Variants in MAP2 observed in about 807,000 individuals in gnomAD.
MAP2 encodes microtubule-associated protein 2.
In MAP2, 14 loss-of-function variants were observed where a neutral mutation model predicts 137.6. That is an observed-to-expected ratio of 0.10 (90% CI 0.07 to 0.16). The LOEUF is 0.16. Ranked by LOEUF, MAP2 falls within the 10% of genes least tolerant of loss-of-function variation. The pLI is 1.00. For missense variants in MAP2, 2,088 were observed against 2,191.5 expected, an observed-to-expected ratio of 0.95 and a Z score of 0.94; for synonymous variants, 786 against 782.3, an observed-to-expected ratio of 1.00 and a Z score of -0.08.
At chr2:209,582,730 A>G (rs760766053) in intron 3 of MAP2, among the ~76,000 whole-genome samples, 32 of 152,214 alleles carry the variant, frequency 2.1e-4, no homozygotes, top group Non-Finnish European at 4.0e-4. Context: ...TAAGGAATCT[A>G]TCAAGAAACT....
At chr2:209,462,445 ATACT>A (rs1307471756) in intron 1 of MAP2, among the ~76,000 whole-genome samples, 1 of 152,196 alleles carries the variant, frequency 6.6e-6, no homozygotes, top group African/African-American at 2.4e-5. Flanking sequence ...GGTTTGAAAA[ATACT>A]TAGTTATTCC....
intron 10 of MAP2, among the ~76,000 whole-genome samples, chr2:209,697,522 T>A (rs982331339): frequency 6.6e-6 from 1 of 152,082 alleles, no homozygotes; most frequent in Non-Finnish European, 1.5e-5. Flanking sequence ...ATTTAGATAC[T>A]GAAAATGAAA....
chr2:209,722,694 A>T (rs2071723562), intron 13 of MAP2, among the ~76,000 whole-genome samples: 1 of 152,196 alleles, frequency 6.6e-6, no homozygotes, highest in Admixed American at 6.5e-5. Context: ...GAAGTCATGA[A>T]AGTTGTAACA....
intron 5 of MAP2, among the ~76,000 whole-genome samples, chr2:209,659,765 G>A (rs1423534581): frequency 1.3e-5 from 2 of 152,042 alleles, no homozygotes; most frequent in Non-Finnish European, 2.9e-5. Context: ...CAGACCGGGC[G>A]TGGTGGCTCA....
chr2:209,496,659 C>T (rs1177623824), intron 1 of MAP2, among the ~76,000 whole-genome samples: 3 of 152,202 alleles, frequency 2.0e-5, no homozygotes, highest in Non-Finnish European at 4.4e-5. Flanking sequence ...CCATTATCCT[C>T]TACTTTTACC....
chr2:209,695,332 A>G lies in MAP2; in HGVS notation c.3162A>G (p.Gly1054=), dbSNP rs1480424267. The G allele has an allele frequency of 1.2e-6, 2 of 1,614,064 alleles. No homozygotes were observed. Among genetic ancestry groups the G allele is most frequent in the Admixed American group, 3.3e-5 (2 of 59,998 alleles). The part of the protein sequence containing the change: ...GQLDVKISDF[G]QMASGLNIDD... Reference sequence around the variant, plus strand: ...TAGATGTTAAAATTAGTGACTTTGGACAGATGGCTTCAGGGCTAAACATAG... The same window carrying G: ...TAGATGTTAAAATTAGTGACTTTGGGCAGATGGCTTCAGGGCTAAACATAG... Residue 1054 remains glycine, a synonymous_variant, in exon 8 of 16, where the codon GGA becomes GGG. Coordinates refer to ENST00000682079, the MANE Select transcript of MAP2 (RefSeq NM_001375505.1).
At chr2:209,566,365 A>G (rs1338311014) in intron 2 of MAP2, among the ~76,000 whole-genome samples, 1 of 152,180 alleles carries the variant, frequency 6.6e-6, no homozygotes, top group African/African-American at 2.4e-5. Flanking sequence ...CTTCCTTGGA[A>G]CAATGTCCCT....
chr2:209,435,593 G>A (rs1349372594), intron 1 of MAP2, among the ~76,000 whole-genome samples: 1 of 151,680 alleles, frequency 6.6e-6, no homozygotes, highest in Admixed American at 6.6e-5. Flanking sequence ...ACTGGCATCA[G>A]TGAAGGATTT....
intron 1 of MAP2, among the ~76,000 whole-genome samples, chr2:209,482,775 A>G (rs6435530): frequency 0.63 from 96,130 of 151,962 alleles, 30,668 homozygotes; most frequent in Middle Eastern, 0.68. Context: ...CATTCTACCA[A>G]CTACCTTGAA....
chr2:209,589,486 A>T (rs2078671498), intron 3 of MAP2, among the ~76,000 whole-genome samples: 1 of 152,206 alleles, frequency 6.6e-6, no homozygotes, highest in Non-Finnish European at 1.5e-5. Context: ...TGATTGCTAA[A>T]ATAAGGAATC....
At chr2:209,680,592 A>G (rs2054133390) in intron 6 of MAP2, among the ~76,000 whole-genome samples, 158 bp from the exon 7 acceptor site, 1 of 152,216 alleles carries the variant, frequency 6.6e-6, no homozygotes, top group Admixed American at 6.6e-5. Flanking sequence ...TGCATGAATC[A>G]GGTAATGGGC....
At chr2:209,496,009 C>T (rs984277020) in intron 1 of MAP2, among the ~76,000 whole-genome samples, 3 of 152,148 alleles carry the variant, frequency 2.0e-5, no homozygotes, top group Admixed American at 1.3e-4. Flanking sequence ...CCTTAACTTT[C>T]TTTTCCAGCA....
chr2:209,531,538 T>A (rs288090), intron 2 of MAP2, among the ~76,000 whole-genome samples: 1 of 152,212 alleles, frequency 6.6e-6, no homozygotes, highest in Non-Finnish European at 1.5e-5. Context: ...GCATGTCAAC[T>A]TTGAGAATAA....
At chr2:209,506,325 T>C (rs2061052614) in intron 1 of MAP2, among the ~76,000 whole-genome samples, 1 of 152,236 alleles carries the variant, frequency 6.6e-6, no homozygotes, top group Non-Finnish European at 1.5e-5. Context: ...TACTAGTATT[T>C]TCTTTGTCTT....
chr2:209,661,525 A>G (rs1466670119), intron 5 of MAP2: 8 of 985,382 alleles, frequency 8.1e-6, no homozygotes, highest in Non-Finnish European at 7.2e-6. Flanking sequence ...GCAGAAAATC[A>G]CACAGCCTCA....
chr2:209,657,134 T>G (rs969581046), intron 5 of MAP2, among the ~76,000 whole-genome samples: 1 of 151,884 alleles, frequency 6.6e-6, no homozygotes. Context: ...CTGTGTAGTA[T>G]TCCATCGTAT....
chr2:209,510,129 A>G (rs1461255386), intron 2 of MAP2, among the ~76,000 whole-genome samples: 8 of 151,744 alleles, frequency 5.3e-5, no homozygotes, highest in Admixed American at 5.3e-4. Context: ...CCTTTTTAAA[A>G]AAATGTGTAT....
chr2:209,546,167 G>T (rs1159528452), intron 2 of MAP2, among the ~76,000 whole-genome samples: 1 of 151,812 alleles, frequency 6.6e-6, no homozygotes, highest in East Asian at 1.9e-4. Context: ...AAAGAAAAAA[G>T]AAAAAAAGAA....
At chr2:209,516,003 T>C (rs963028203) in intron 2 of MAP2, among the ~76,000 whole-genome samples, 1 of 151,954 alleles carries the variant, frequency 6.6e-6, no homozygotes, top group Non-Finnish European at 1.5e-5. Flanking sequence ...TTATGTTGCC[T>C]AGGCTGGTCT....
Sources: allele counts gnomAD v4.1 joint callset (sites outside exome capture counted in the v4.1 genomes callset), GRCh38; gene constraint gnomAD v4.1.1; transcripts MANE v1.5; gene names NCBI Gene and HGNC (gene_info 2026-07-23, HGNC 2026-07-21).